Variants in PTGR2 observed in about 807,000 individuals in gnomAD.
PTGR2 encodes 15-oxoprostaglandin 13-reductase.
PTGR2 carries 32 observed loss-of-function variants against 43.4 expected under a neutral mutation model. The observed-to-expected ratio is 0.74, with a 90% CI of 0.56 to 0.99. The LOEUF (loss-of-function observed/expected upper bound fraction) is 0.99, where lower values mean the gene tolerates loss of function less well. Among genes scored for constraint, PTGR2 ranks in the 50% least tolerant of loss-of-function variants. The pLI is 0.00. For synonymous variants in PTGR2, 106 were observed against 139.2 expected, an observed-to-expected ratio of 0.76 and a Z score of 1.68; for missense variants, 373 against 420.0, an observed-to-expected ratio of 0.89 and a Z score of 0.98.
Position 73,884,146 on chromosome 14 carries a change from T to C in PTGR2, c.1025T>C (p.Ile342Thr), listed in dbSNP as rs755044168. ...ACAGGAGGTAACATTGGAAAGCAGATAGTTTGCATTTCAGAAGAAATCTCT... is the reference window on the plus strand; with the variant it reads ...ACAGGAGGTAACATTGGAAAGCAGACAGTTTGCATTTCAGAAGAAATCTCT... Reference protein sequence around the residue: ...MMTGGNIGKQIVCISEEISL With the variant: ...MMTGGNIGKQTVCISEEISL Residue 342 changes from isoleucine to threonine, a missense_variant, in exon 10 of 10, where the codon ATA becomes ACA. Coordinates refer to ENST00000555661, the MANE Select transcript of PTGR2 (RefSeq NM_001146154.2). 6.2e-6 allele frequency: 10 copies of C among 1,607,128 alleles called. No individual in the cohort carries two copies. The highest frequency in any genetic ancestry group is 8.5e-6 in the Non-Finnish European group (10 of 1,176,404).
intron 3 of PTGR2, among the ~76,000 whole-genome samples, chr14:73,864,017 T>C (rs1385093132): frequency 1.3e-5 from 2 of 152,194 alleles, no homozygotes; most frequent in Non-Finnish European, 2.9e-5. Context: ...CTCAGCCTCC[T>C]GAGTAGCTGG....
Position 73,877,167 on chromosome 14 carries a change from A to C in PTGR2, c.518A>C (p.Gln173Pro). The change falls in exon 5 of 10, where the codon CAG (glutamine) becomes CCG (proline). Residue 173 changes from glutamine to proline, a missense_variant and splice_region_variant. Transcript: ENST00000555661. The part of the protein sequence containing the change: ...AAGACGSVAG[Q>P]IGHFLGCSRV... Reference sequence around the variant, plus strand: ...GGTGCCTGTGGATCTGTGGCTGGGCAGGTAAACTTTCTGAGAATTATTTGA... The same window carrying C: ...GGTGCCTGTGGATCTGTGGCTGGGCCGGTAAACTTTCTGAGAATTATTTGA... 3 of 1,594,942 alleles carry C rather than the reference A, an allele frequency of 1.9e-6. No homozygotes were observed. Among genetic ancestry groups the C allele is most frequent in the African/African-American group, 1.4e-5 (1 of 73,978 alleles).
chr14:73,884,375 A>T lies in PTGR2; in HGVS notation c.*198A>T, dbSNP rs947524540. On this transcript the variant is annotated 3_prime_UTR_variant, in exon 10 of 10. Coordinates refer to ENST00000555661, the MANE Select transcript of PTGR2 (RefSeq NM_001146154.2). ...AGGTTTTTAAAAATTAATAACTTTT[A>T]GTAATTACTTTTATTAATTTAAAAT... The T allele has an allele frequency of 1.7e-5, 7 of 410,378 alleles. No homozygotes were observed. Among genetic ancestry groups the T allele is most frequent in the Middle Eastern group, 1.3e-3 (2 of 1,544 alleles). The allele number at this position is 410,378 out of a possible 1,614,324, so 25.4% of individuals were successfully genotyped here.
intron 2 of PTGR2, among the ~76,000 whole-genome samples, chr14:73,859,145 G>A (rs2054429295): frequency 1.3e-5 from 2 of 152,036 alleles, no homozygotes; most frequent in East Asian, 1.9e-4. Context: ...GATGAAATAA[G>A]GTATTTTGGA....
At chr14:73,861,254 A>C (rs900301139) in intron 3 of PTGR2, 6 of 152,236 alleles carry the variant, frequency 3.9e-5, no homozygotes, top group Non-Finnish European at 7.3e-5. Flanking sequence ...ACTTCTAGAT[A>C]AATAAGATTT....
chr14:73,872,986 A>AT (rs903859335), intron 3 of PTGR2, among the ~76,000 whole-genome samples: 2 of 147,508 alleles, frequency 1.4e-5, no homozygotes, highest in South Asian at 2.1e-4. Context: ...AAAAAAAAAA[A>AT]TTTTTTTTAT....
chr14:73,876,719 C>T (rs536993302), intron 4 of PTGR2, among the ~76,000 whole-genome samples: 9 of 152,010 alleles, frequency 5.9e-5, no homozygotes, highest in South Asian at 2.1e-4. Context: ...TCAGGTGATC[C>T]GCCTGCCTCG....
intron 3 of PTGR2, among the ~76,000 whole-genome samples, chr14:73,873,262 G>A (rs992689596): frequency 1.3e-5 from 2 of 151,530 alleles, no homozygotes; most frequent in Non-Finnish European, 2.9e-5. Flanking sequence ...AGCCTAGATC[G>A]CGTCATTGTA....
At chr14:73,872,083 C>T (rs1178514071) in intron 3 of PTGR2, among the ~76,000 whole-genome samples, 1 of 152,084 alleles carries the variant, frequency 6.6e-6, no homozygotes, top group Non-Finnish European at 1.5e-5. Flanking sequence ...TGCTGTCGTC[C>T]TCTACATTTT....
intron 1 of PTGR2, among the ~76,000 whole-genome samples, chr14:73,856,196 G>C (rs989432043): frequency 3.9e-5 from 6 of 152,040 alleles, no homozygotes; most frequent in African/African-American, 1.4e-4. Context: ...AATCTGGTAG[G>C]CTCCATTCAT....
At chr14:73,855,747 A>G (rs1229176236) in intron 1 of PTGR2, among the ~76,000 whole-genome samples, 3 of 148,272 alleles carry the variant, frequency 2.0e-5, no homozygotes, top group South Asian at 4.6e-4. Context: ...CGCCCGGAGT[A>G]TTACTTTATT....
intron 7 of PTGR2, chr14:73,880,398 C>T (rs531862736): frequency 1.4e-4 from 61 of 431,380 alleles, no homozygotes; most frequent in African/African-American, 1.1e-3. Flanking sequence ...CATGGTGAAA[C>T]CCCTTCTCTA....
chr14:73,879,392 T>G (rs767180586), intron 6 of PTGR2, 87 bp downstream of exon 6: 96 of 1,210,332 alleles, frequency 7.9e-5, no homozygotes, highest in Non-Finnish European at 1.1e-4. Context: ...AAAAAATTTA[T>G]AAAATTGGAG....
At chr14:73,863,741 AG>A (rs1471599263) in intron 3 of PTGR2, among the ~76,000 whole-genome samples, 1 of 151,622 alleles carries the variant, frequency 6.6e-6, no homozygotes, top group African/African-American at 2.4e-5. Flanking sequence ...CAACCTCCCG[AG>A]TAGCTGGGAT....
intron 5 of PTGR2, chr14:73,878,556 C>T (rs1036069769): frequency 2.8e-5 from 9 of 325,292 alleles, no homozygotes; most frequent in African/African-American, 1.8e-4. Context: ...CAGTATGACA[C>T]TCTCTCGAGA....
In PTGR2 at chr14:73,857,664, G is replaced by GTTTTTT. The variant is rs1213963564; in HGVS notation, c.-47-1135_-47-1130dup. ...ATTACATGTCAATTAAGCAGTTAGT[G>GTTTTTT]TTTTTTTTTTTTTTTTTTTTTTGAG... On this transcript the variant is annotated intron_variant, in intron 1 of 9. Coordinates refer to ENST00000555661, the MANE Select transcript of PTGR2 (RefSeq NM_001146154.2). Among the ~76,000 whole-genome samples the GTTTTTT allele has an allele frequency of 7.1e-4, 46 of 64,716 alleles. 9 individuals carry two copies. Among genetic ancestry groups the GTTTTTT allele is most frequent in the African/African-American group, 1.6e-3 (25 of 16,070 alleles). 42.5% of individuals were successfully genotyped at this position (64,716 alleles called of 152,430 possible).
Position 73,874,004 on chromosome 14 carries a change from T to G in PTGR2, c.157-19T>G, listed in dbSNP as rs766791107. The G allele has an allele frequency of 6.4e-7, 1 of 1,553,720 alleles. No individual in the cohort carries two copies. The highest frequency in any genetic ancestry group is 1.2e-5 in the South Asian group (1 of 81,622). On this transcript the variant is annotated intron_variant, in intron 3 of 9. Transcript: ENST00000555661. ...TTGACATTATTGGATAAAATTATCT[T>G]AATGTTTTCTTTTTTCAGCGTTGTA...
Position 73,884,928 on chromosome 14 carries a change from C to T in PTGR2, c.*751C>T, listed in dbSNP as rs1407771182. 1 of 152,154 alleles carries T rather than the reference C, an allele frequency of 6.6e-6. No homozygotes were observed. Among genetic ancestry groups the T allele is most frequent in the East Asian group, 1.9e-4 (1 of 5,198 alleles). 9.4% of individuals were successfully genotyped at this position (152,154 alleles called of 1,614,324 possible). Reference sequence around the variant, plus strand: ...AAAGCATATGTTTATTTTAGGTTAGCAGGCACATACTGTCAAGTTGTAAAG... The same window carrying T: ...AAAGCATATGTTTATTTTAGGTTAGTAGGCACATACTGTCAAGTTGTAAAG... On this transcript the variant is annotated 3_prime_UTR_variant, in exon 10 of 10. Transcript: ENST00000555661.
At chr14:73,871,352 T>TTTTTTTTTTTTTTTTTTTTTTTTTTG in intron 3 of PTGR2, among the ~76,000 whole-genome samples, 1 of 150,076 alleles carries the variant, frequency 6.7e-6, no homozygotes, top group Non-Finnish European at 1.5e-5. Flanking sequence ...TTTTTTTTTT[T>TTTTTTTTTTTTTTTTTTTTTTTTTTG]TTTTTTTTTT....
Sources: allele counts gnomAD v4.1 joint callset (sites outside exome capture counted in the v4.1 genomes callset), GRCh38; gene constraint gnomAD v4.1.1; transcripts MANE v1.5; gene names NCBI Gene and HGNC (gene_info 2026-07-23, HGNC 2026-07-21).